Variants in RAB21 observed in about 807,000 individuals in gnomAD.
The protein encoded by RAB21 is ras-related protein Rab-21.
A neutral mutation model predicts 33.1 loss-of-function variants in RAB21; 13 were observed. That is an observed-to-expected ratio of 0.39 (90% confidence interval 0.26 to 0.62). The LOEUF (loss-of-function observed/expected upper bound fraction) is 0.62, where lower values mean the gene tolerates loss of function less well. Among genes scored for constraint, RAB21 ranks in the 20% least tolerant of loss-of-function variants. The pLI, the probability that RAB21 is intolerant of heterozygous loss-of-function variation, is 0.48. For synonymous variants in RAB21, 91 were observed against 103.7 expected, an observed-to-expected ratio of 0.88 and a Z score of 0.74; for missense variants, 234 against 279.1, an observed-to-expected ratio of 0.84 and a Z score of 1.15.
At chr12:71,782,686 A>G in intron 6 of RAB21, 28 bp downstream of exon 6, 4 of 1,468,666 alleles carry the variant, frequency 2.7e-6, no homozygotes, top group African/African-American at 2.9e-5. Flanking sequence ...TAGTTTGTTT[A>G]GAAATGGTTT....
At chr12:71,770,132 T>C (rs1418745649) in intron 2 of RAB21, among the ~76,000 whole-genome samples, 1 of 152,150 alleles carries the variant, frequency 6.6e-6, no homozygotes, top group African/African-American at 2.4e-5. Context: ...CCACCCTGTG[T>C]CTCCATATTC....
rs898451701 is a variant in RAB21 at position 71,790,547 on chromosome 12, A to G, written c.*4874A>G. 1 of 152,158 alleles carries G rather than the reference A, an allele frequency of 6.6e-6. No homozygotes were observed. The highest frequency in any genetic ancestry group is 1.5e-5 in the Non-Finnish European group (1 of 68,016). The allele number at this position is 152,158 out of a possible 1,614,324, so 9.4% of individuals were successfully genotyped here. A position where few individuals can be genotyped will look rare whatever the true frequency, so the allele number is the denominator to read the frequency against. Reference sequence around the variant, plus strand: ...GAAATATGAAAGTTCCTCATTTTGTATTTAATTATGTAAGAAAATGTTCTA... The same window carrying G: ...GAAATATGAAAGTTCCTCATTTTGTGTTTAATTATGTAAGAAAATGTTCTA... On this transcript the variant is annotated 3_prime_UTR_variant, in exon 7 of 7. Coordinates refer to ENST00000261263, the MANE Select transcript of RAB21 (RefSeq NM_014999.4).
In RAB21 at chr12:71,788,674, A is replaced by G. The variant is rs1178677129; in HGVS notation, c.*3001A>G. The G allele has an allele frequency of 2.0e-5, 3 of 152,146 alleles. No homozygotes were observed. Among genetic ancestry groups the G allele is most frequent in the East Asian group, 3.9e-4 (2 of 5,192 alleles). 9.4% of individuals were successfully genotyped at this position (152,146 alleles called of 1,614,324 possible). A position where few individuals can be genotyped will look rare whatever the true frequency, so the allele number is the denominator to read the frequency against. On this transcript the variant is annotated 3_prime_UTR_variant, in exon 7 of 7. Transcript: ENST00000261263. The stretch of plus-strand genomic sequence containing the variant: ...AAAGCAGTAGGTAGGTTGTGCCAGT[A>G]TTTTTTCAGCCAGTAAGCATATACA...
Position 71,760,925 on chromosome 12 carries a change from G to T in RAB21, c.159+5637G>T, listed in dbSNP as rs545128932. On this transcript the variant is annotated intron_variant, in intron 1 of 6. Transcript: ENST00000261263. ...ATGAGGAAACTAAGACTTGGATTTG[G>T]CTGGGTGCAGTGGCTCGCACCTATA... is the stretch of plus-strand genomic sequence containing the variant. 2.6e-5 allele frequency among the ~76,000 whole-genome samples: 4 copies of T among 152,194 alleles called. No homozygotes were observed. The East Asian group carries it at 5.8e-4, about 22-fold the overall frequency.
At chr12:71,759,653 CA>C (rs2137638378) in intron 1 of RAB21, among the ~76,000 whole-genome samples, 1 of 152,328 alleles carries the variant, frequency 6.6e-6, no homozygotes, top group East Asian at 1.9e-4. Context: ...ACATTTACTC[CA>C]GCATTACAGT....
Position 71,786,342 on chromosome 12 carries a change from T to C in RAB21, c.*669T>C, listed in dbSNP as rs570117980. On this transcript the variant is annotated 3_prime_UTR_variant, in exon 7 of 7. Transcript: ENST00000261263. Reference sequence around the variant, plus strand: ...AAATCTTTATTTAATAACTTATATATGTTGTTGGAATGGTTACATTTTTGC... The same window carrying C: ...AAATCTTTATTTAATAACTTATATACGTTGTTGGAATGGTTACATTTTTGC... 18 of 152,778 alleles carry C rather than the reference T, an allele frequency of 1.2e-4. No individual in the cohort carries two copies. The East Asian group carries it at 2.7e-3, about 23-fold the overall frequency. 9.5% of individuals were successfully genotyped at this position (152,778 alleles called of 1,614,324 possible).
intron 1 of RAB21, among the ~76,000 whole-genome samples, chr12:71,766,410 T>G (rs892102037): frequency 2.6e-5 from 4 of 152,254 alleles, no homozygotes; most frequent in East Asian, 3.9e-4. Context: ...TTTACCCTCC[T>G]TATGCCTCAT....
At chr12:71,764,275 G>T (rs1237542930) in intron 1 of RAB21, among the ~76,000 whole-genome samples, 2 of 152,070 alleles carry the variant, frequency 1.3e-5, no homozygotes, top group East Asian at 3.9e-4. Flanking sequence ...TATTCTTAAA[G>T]AAGTTTATAA....
At chr12:71,758,598 C>T (rs1882824095) in intron 1 of RAB21, among the ~76,000 whole-genome samples, 1 of 151,696 alleles carries the variant, frequency 6.6e-6, no homozygotes, top group Non-Finnish European at 1.5e-5. Context: ...CCTTCCACCT[C>T]AGCCTCCAAG....
rs1883351648 is a variant in RAB21, at chr12:71,789,712, G to A, written c.*4039G>A. ...TAATAGTTAAAAGCTGGAATTTATT[G>A]AACCGCATCTACTTGATTTCATAAT... is the stretch of plus-strand genomic sequence containing the variant. On this transcript the variant is annotated 3_prime_UTR_variant, in exon 7 of 7. Coordinates refer to ENST00000261263, the MANE Select transcript of RAB21 (RefSeq NM_014999.4). 1 of 152,022 alleles carries A rather than the reference G, an allele frequency of 6.6e-6. No homozygotes were observed. The highest frequency in any genetic ancestry group is 1.5e-5 in the Non-Finnish European group (1 of 67,948). The allele number at this position is 152,022 out of a possible 1,614,324, so 9.4% of individuals were successfully genotyped here. A position where few individuals can be genotyped will look rare whatever the true frequency, so the allele number is the denominator to read the frequency against.
rs1883310479 is a variant in RAB21 at position 71,787,356 on chromosome 12, ATTGTTC to A, written c.*1691_*1696del. ...ACACAGATTGTAGAGATTAACATAA[ATTGTTC>A]TTGTTCTAATATATATATTTTTTCA... On this transcript the variant is annotated 3_prime_UTR_variant, in exon 7 of 7. Coordinates refer to ENST00000261263, the MANE Select transcript of RAB21 (RefSeq NM_014999.4). 1 of 152,134 alleles carries A rather than the reference ATTGTTC, an allele frequency of 6.6e-6. No homozygotes were observed. The highest frequency in any genetic ancestry group is 2.4e-5 in the African/African-American group (1 of 41,424). The allele number at this position is 152,134 out of a possible 1,614,324, so 9.4% of individuals were successfully genotyped here.
intron 3 of RAB21, among the ~76,000 whole-genome samples, chr12:71,771,727 A>G (rs1883044700): frequency 6.6e-6 from 1 of 152,188 alleles, no homozygotes; most frequent in African/African-American, 2.4e-5. Flanking sequence ...TAATCCCAGC[A>G]CTTTGGGAGG....
At position 71,794,405 on chromosome 12, in the gene RAB21, TTATATATA is replaced by T. The variant is rs1197587877; in HGVS notation, c.*8748_*8755del. 146 of 51,062 alleles carry T rather than the reference TTATATATA, an allele frequency of 2.9e-3. 3 individuals carry two copies. Among genetic ancestry groups the T allele is most frequent in the African/African-American group, 0.014 (131 of 9,374 alleles). 3.2% of individuals were successfully genotyped at this position (51,062 alleles called of 1,614,324 possible). On this transcript the variant is annotated 3_prime_UTR_variant, in exon 7 of 7. Transcript: ENST00000261263. ...AAAACAAAACAAAACCATATATATA[TTATATATA>T]TATATATATATATATTTTTTTTTTT...
At position 71,788,292 on chromosome 12, in the gene RAB21, C is replaced by G. The variant is rs932419428; in HGVS notation, c.*2619C>G. The G allele has an allele frequency of 6.6e-6, 1 of 150,404 alleles. No homozygotes were observed. Among genetic ancestry groups the G allele is most frequent in the South Asian group, 2.1e-4 (1 of 4,670 alleles). 9.3% of individuals were successfully genotyped at this position (150,404 alleles called of 1,614,324 possible). A position where few individuals can be genotyped will look rare whatever the true frequency, so the allele number is the denominator to read the frequency against. On this transcript the variant is annotated 3_prime_UTR_variant, in exon 7 of 7. Coordinates refer to ENST00000261263, the MANE Select transcript of RAB21 (RefSeq NM_014999.4). ...TAATTATTGGTGGGTCATAACTATT[C>G]TTCATATTTTTTTTTTCTTTTTTCT...
At chr12:71,774,465 C>CA (rs1185863890) in intron 4 of RAB21, among the ~76,000 whole-genome samples, 7 of 145,568 alleles carry the variant, frequency 4.8e-5, no homozygotes, top group East Asian at 2.1e-4. Flanking sequence ...GATTCCATCT[C>CA]AAAAAAAAAT....
intron 1 of RAB21, among the ~76,000 whole-genome samples, chr12:71,763,207 A>G (rs1479991834): frequency 6.6e-6 from 1 of 150,832 alleles, no homozygotes; most frequent in Admixed American, 6.7e-5. Flanking sequence ...TTGATACTAG[A>G]TAAAGCCAGG....
chr12:71,777,331 T>C (rs1565892017), intron 4 of RAB21, among the ~76,000 whole-genome samples: 1 of 152,236 alleles, frequency 6.6e-6, no homozygotes, highest in African/African-American at 2.4e-5. Flanking sequence ...CTTTTTTGAC[T>C]TTACATTATG....
intron 1 of RAB21, among the ~76,000 whole-genome samples, chr12:71,757,952 C>A (rs1391869739): frequency 6.7e-6 from 1 of 150,086 alleles, no homozygotes; most frequent in Non-Finnish European, 1.5e-5. Flanking sequence ...TTTTTTTTAA[C>A]ATCTTGGAGG....
chr12:71,793,771 G>A lies in RAB21; in HGVS notation c.*8098G>A, dbSNP rs1404005435. On this transcript the variant is annotated 3_prime_UTR_variant, in exon 7 of 7. Transcript: ENST00000261263. ...ATTTTGGGTGAACTTTCTTGAAGAT[G>A]GTCAGAAAGGGCATTGTTAAAGGAA... is the stretch of plus-strand genomic sequence containing the variant. 3 of 152,188 alleles carry A rather than the reference G, an allele frequency of 2.0e-5. No homozygotes were observed. The highest frequency in any genetic ancestry group is 7.2e-5 in the African/African-American group (3 of 41,458). 9.4% of individuals were successfully genotyped at this position (152,188 alleles called of 1,614,324 possible).
Sources: gnomAD v4.1 joint callset for allele counts (sites outside exome capture counted in the v4.1 genomes callset) on GRCh38, gnomAD v4.1.1 for gene constraint, MANE v1.5 for transcripts, NCBI Gene and HGNC (gene_info 2026-07-23, HGNC 2026-07-21) for gene names.